PRH1: variants seen among roughly 807,000 people sequenced by gnomAD.
PRH1 encodes salivary acidic proline-rich phosphoprotein 1/2.
A neutral mutation model predicts 7.9 loss-of-function variants in PRH1; 7 were observed. The observed-to-expected ratio is 0.89, with a 90% CI of 0.50 to 1.67. The LOEUF (loss-of-function observed/expected upper bound fraction) is 1.67, where lower values mean the gene tolerates loss of function less well. Among genes scored for constraint, PRH1 ranks in the 40% most tolerant of loss-of-function variants. The probability of loss-of-function intolerance (pLI) is 0.00; values close to 1 mark genes in which losing one functional copy is unlikely to be tolerated. For missense variants in PRH1, 109 were observed against 223.6 expected, an observed-to-expected ratio of 0.49 and a Z score of 3.27; for synonymous variants, 45 against 80.8, an observed-to-expected ratio of 0.56 and a Z score of 2.38.
chr12:10,926,419 C>A (rs1294691649), intron 2 of PRH1, among the ~76,000 whole-genome samples: 1 of 152,014 alleles, frequency 6.6e-6, no homozygotes, highest in Non-Finnish European at 1.5e-5. Flanking sequence ...AGAGAGCTTC[C>A]GGGTCTTCAA....
At chr12:11,159,068 G>T (rs1314699202) in intron 1 of PRH1, 1 of 154,344 alleles carries the variant, frequency 6.5e-6, no homozygotes, top group South Asian at 2.0e-4. Context: ...TGAGCCCAGA[G>T]AGTTGAGCTG....
intron 1 of PRH1, among the ~76,000 whole-genome samples, chr12:10,978,841 G>T (rs1939223527): frequency 6.6e-6 from 1 of 152,030 alleles, no homozygotes; most frequent in Non-Finnish European, 1.5e-5. Context: ...AATCATTAAA[G>T]AAATGCAAAT....
intron 2 of PRH1, among the ~76,000 whole-genome samples, chr12:10,915,447 TTGTATGTG>T (rs1949960761): frequency 9.0e-6 from 1 of 111,384 alleles, no homozygotes; most frequent in South Asian, 3.5e-4. Flanking sequence ...ACTTGTTTGC[TTGTATGTG>T]AAGCTGACAG....
chr12:11,161,180 G>A (rs1947402748), intron 1 of PRH1, among the ~76,000 whole-genome samples: 1 of 152,182 alleles, frequency 6.6e-6, no homozygotes, highest in Admixed American at 6.5e-5. Flanking sequence ...TGGAAGCTAT[G>A]TGTTAAAGGT....
chr12:10,921,292 C>T (rs1950041664), intron 2 of PRH1, among the ~76,000 whole-genome samples: 2 of 151,748 alleles, frequency 1.3e-5, no homozygotes, highest in African/African-American at 4.8e-5. Flanking sequence ...TTTATAAATC[C>T]ATCTGAATTT....
At chr12:11,132,967 T>C (rs1946409762) in intron 1 of PRH1, 3 of 251,908 alleles carry the variant, frequency 1.2e-5, no homozygotes, top group South Asian at 1.3e-4. Context: ...TAATTATAAA[T>C]AGATATAAAT....
intron 2 of PRH1, among the ~76,000 whole-genome samples, chr12:10,928,623 T>G (rs1388975417): frequency 1.3e-5 from 2 of 152,202 alleles, no homozygotes; most frequent in South Asian, 4.1e-4. Context: ...TTCACAGAGT[T>G]TGGAAATTTC....
chr12:10,942,553 C>T (rs998007201), intron 2 of PRH1, among the ~76,000 whole-genome samples: 3 of 152,142 alleles, frequency 2.0e-5, no homozygotes, highest in Admixed American at 6.5e-5. Flanking sequence ...GGTCTCACTC[C>T]CACCATGCCT....
intron 1 of PRH1, among the ~76,000 whole-genome samples, chr12:11,090,672 C>G (rs1944849963): frequency 1.7e-5 from 2 of 117,774 alleles, no homozygotes; most frequent in African/African-American, 5.7e-5. Context: ...ATGCTTCTCA[C>G]TCAAATTCTA....
intron 1 of PRH1, among the ~76,000 whole-genome samples, chr12:11,130,481 C>T (rs774043075): frequency 6.6e-6 from 1 of 150,500 alleles, no homozygotes; most frequent in African/African-American, 2.4e-5. Flanking sequence ...CTCTGACTCA[C>T]GAACGATGTT....
At chr12:11,029,139 G>A (rs1288033870) in intron 1 of PRH1, among the ~76,000 whole-genome samples, 2 of 152,252 alleles carry the variant, frequency 1.3e-5, no homozygotes, top group Non-Finnish European at 2.9e-5. Context: ...CACAAATCAG[G>A]TGGGGGGATG....
chr12:10,933,545 C>T (rs1417499654), intron 2 of PRH1, among the ~76,000 whole-genome samples: 2 of 151,772 alleles, frequency 1.3e-5, no homozygotes, highest in East Asian at 3.9e-4. Flanking sequence ...AGACTTGATT[C>T]CAGGAATGTT....
intron 1 of PRH1, among the ~76,000 whole-genome samples, chr12:11,007,465 A>G (rs1940882221): frequency 6.6e-6 from 1 of 152,266 alleles, no homozygotes; most frequent in South Asian, 2.1e-4. Flanking sequence ...TCTCATGCTT[A>G]GGCCTTTGGT....
rs374620239 is a variant in PRH1, at chr12:11,026,830, T to A, written c.-126+20190A>T. 2.3e-4 allele frequency among the ~76,000 whole-genome samples: 35 copies of A among 152,136 alleles called. 1 individual carries two copies. The East Asian group carries it at 4.6e-3, about 20-fold the overall frequency. ...GGCTTGTGATTTGCTGAATGGTTCT[T>A]AATCTACACCCATTATGAGGAAAAA... On this transcript the variant is annotated intron_variant, in intron 1 of 3. Coordinates refer to the PRH1 transcript ENST00000539853.
intron 2 of PRH1, among the ~76,000 whole-genome samples, chr12:10,902,519 G>T (rs988139980): frequency 6.6e-6 from 1 of 151,952 alleles, no homozygotes; most frequent in Non-Finnish European, 1.5e-5. Flanking sequence ...AAATCAAGAG[G>T]ACACCTGACT....
In PRH1 at chr12:10,997,134, A is replaced by G. The variant is rs781637893; in HGVS notation, c.-125-23413T>C. The G allele has an allele frequency of 3.1e-6, 5 of 1,613,976 alleles. No homozygotes were observed. In the East Asian group the frequency reaches 6.7e-5, roughly 22 times the overall value. On this transcript the variant is annotated intron_variant, in intron 1 of 3. Transcript: ENST00000539853. ...GGTCGCATCTTAAAATTCCAAAACGATATGATTAGACACAGAAAGTAAATG... is the reference window on the plus strand; with the variant it reads ...GGTCGCATCTTAAAATTCCAAAACGGTATGATTAGACACAGAAAGTAAATG...
chr12:11,080,587 C>T (rs1461181538), intron 1 of PRH1, among the ~76,000 whole-genome samples: 12 of 115,810 alleles, frequency 1.0e-4, no homozygotes, highest in Non-Finnish European at 2.1e-5. Context: ...TCACCTTTAT[C>T]TCCAGTCTCT....
At chr12:11,037,420 T>C (rs909580493) in intron 1 of PRH1, among the ~76,000 whole-genome samples, 1 of 152,234 alleles carries the variant, frequency 6.6e-6, no homozygotes, top group Non-Finnish European at 1.5e-5. Context: ...GCCAAAAAAT[T>C]TATAGTAACA....
chr12:11,060,293 A>G (rs1943533658), intron 1 of PRH1, among the ~76,000 whole-genome samples: 1 of 152,128 alleles, frequency 6.6e-6, no homozygotes. Flanking sequence ...TAATTAAAAC[A>G]TAGATTTCAT....
Sources: gnomAD v4.1 joint callset for allele counts (sites outside exome capture counted in the v4.1 genomes callset) on GRCh38, gnomAD v4.1.1 for gene constraint, MANE v1.5 for transcripts, NCBI Gene and HGNC (gene_info 2026-07-23, HGNC 2026-07-21) for gene names.